Variants in ARMC3 observed in about 807,000 individuals in gnomAD.
ARMC3 encodes armadillo repeat containing 3, also known as armadillo repeat-containing protein 3.
ARMC3 carries 74 observed loss-of-function variants against 90.3 expected under a neutral mutation model. The observed-to-expected ratio is 0.82, with a 90% CI of 0.68 to 0.99. ARMC3 has a LOEUF of 0.99. ARMC3 is among the 50% of genes least tolerant of loss of function. ARMC3 has a pLI of 0.00. For missense variants in ARMC3, 958 were observed against 1,042.8 expected (o/e 0.92, Z 1.12); for synonymous variants, 334 against 361.8 (o/e 0.92, Z 0.87).
At chr10:22,950,004 T>G (rs1432124071) in intron 3 of ARMC3, among the ~76,000 whole-genome samples, 1 of 151,684 alleles carries the variant, frequency 6.6e-6, no homozygotes, top group Non-Finnish European at 1.5e-5. Flanking sequence ...AAAAGAAAAA[T>G]AAAAACTTTC....
At chr10:22,947,522 A>C (rs954818586) in intron 3 of ARMC3, among the ~76,000 whole-genome samples, 2 of 152,234 alleles carry the variant, frequency 1.3e-5, no homozygotes, top group Non-Finnish European at 2.9e-5. Context: ...ATGCTCCTCA[A>C]AACTGTCATG....
chr10:23,000,140 C>T (rs2131413976), intron 11 of ARMC3, among the ~76,000 whole-genome samples: 1 of 152,240 alleles, frequency 6.6e-6, no homozygotes, highest in African/African-American at 2.4e-5. Context: ...GCAACATCTG[C>T]AGGGGCCCTC....
At chr10:22,950,456 C>T (rs887118501) in intron 3 of ARMC3, among the ~76,000 whole-genome samples, 2 of 151,762 alleles carry the variant, frequency 1.3e-5, no homozygotes, top group Non-Finnish European at 2.9e-5. Context: ...AACCCTAATG[C>T]AACCACTAAA....
intron 8 of ARMC3, among the ~76,000 whole-genome samples, chr10:22,973,753 CTTT>C (rs56405413): frequency 2.5e-5 from 2 of 79,926 alleles, no homozygotes; most frequent in Non-Finnish European, 4.7e-5. Flanking sequence ...CTTTGTCTTT[CTTT>C]TTTTTTTTTT....
chr10:22,971,747 T>G (rs1835693958), intron 8 of ARMC3, among the ~76,000 whole-genome samples: 1 of 143,348 alleles, frequency 7.0e-6, no homozygotes, highest in Non-Finnish European at 1.5e-5. Context: ...GTCCTCTATT[T>G]TTAATTTTTT....
intron 18 of ARMC3, among the ~76,000 whole-genome samples, 159 bp from the exon 19 acceptor site, chr10:23,037,111 G>T (rs1166114129): frequency 6.6e-6 from 1 of 152,160 alleles, no homozygotes; most frequent in African/African-American, 2.4e-5. Context: ...CATTTGATTG[G>T]CCCCTATACC....
intron 8 of ARMC3, among the ~76,000 whole-genome samples, chr10:22,972,785 C>T (rs542955247): frequency 2.0e-5 from 3 of 152,224 alleles, no homozygotes; most frequent in East Asian, 1.9e-4. Context: ...ATAAGTATTA[C>T]GAAAGCTATT....
rs538387188 is a variant in ARMC3 at position 23,034,521 on chromosome 10, C to G, written c.2409+1498C>G. Among the ~76,000 whole-genome samples the G allele has an allele frequency of 1.1e-3, 174 of 152,188 alleles. 1 individual carries two copies. Among genetic ancestry groups the G allele is most frequent in the South Asian group, 9.5e-3 (46 of 4,828 alleles). ...CATAGATGGAGCTGAAATTTGAGCCCACGCCTACCTGAATAAAAGACCTAC... is the reference window on the plus strand; with the variant it reads ...CATAGATGGAGCTGAAATTTGAGCCGACGCCTACCTGAATAAAAGACCTAC... On this transcript the variant is annotated intron_variant, in intron 18 of 18. Transcript: ENST00000298032.
chr10:22,959,434 C>G lies in ARMC3; in HGVS notation c.397C>G (p.Leu133Val), dbSNP rs936110263. ...VVIHEFASLC[L>V]ANMSAEYTSK... ...TATCCATGAGTTTGCTAGTCTTTGT[C>G]TAGCAAACATGTCTGCAGAGTACAC... Residue 133 changes from leucine to valine, a missense_variant, in exon 6 of 19, where the codon CTA becomes GTA. Coordinates refer to ENST00000298032, the MANE Select transcript of ARMC3 (RefSeq NM_173081.5). 5.6e-6 allele frequency: 9 copies of G among 1,608,012 alleles called. No homozygotes were observed. The highest frequency in any genetic ancestry group is 7.6e-6 in the Non-Finnish European group (9 of 1,178,662).
At chr10:22,964,304 G>A (rs1010443987) in intron 7 of ARMC3, among the ~76,000 whole-genome samples, 1 of 151,962 alleles carries the variant, frequency 6.6e-6, no homozygotes, top group African/African-American at 2.4e-5. Flanking sequence ...TAATATGTCA[G>A]TTTCCACTTA....
At chr10:23,035,013 A>G (rs984844373) in intron 18 of ARMC3, among the ~76,000 whole-genome samples, 1 of 152,230 alleles carries the variant, frequency 6.6e-6, no homozygotes. Flanking sequence ...ACAAAATACC[A>G]TAGACTGGAA....
chr10:23,007,577 A>G (rs1564390600), intron 14 of ARMC3, among the ~76,000 whole-genome samples: 1 of 151,950 alleles, frequency 6.6e-6, no homozygotes, highest in Non-Finnish European at 1.5e-5. Context: ...CACGCCTGTA[A>G]TCCCAGCTAC....
rs2131260989 is a variant in ARMC3 at position 22,962,023 on chromosome 10, C to T, written c.677C>T (p.Thr226Ile). 2 of 1,610,426 alleles carry T rather than the reference C, an allele frequency of 1.2e-6. No individual in the cohort carries two copies. The highest frequency in any genetic ancestry group is 2.2e-5 in the East Asian group (1 of 44,692). Residue 226 changes from threonine to isoleucine, a missense_variant, in exon 7 of 19, where the codon ACA (threonine) becomes ATA (isoleucine). Physicochemically the swap from Thr to Ile is moderately conservative, Grantham distance 89. Transcript: ENST00000298032. ...GVIANDKESRTMLRDNQGLDH... is the reference protein window; with the variant it reads ...GVIANDKESRIMLRDNQGLDH... The stretch of plus-strand genomic sequence containing the variant: ...ATTGCAAATGATAAGGAGTCTCGAA[C>T]AATGCTAAGAGACAATCAAGGATTG...
At chr10:23,021,111 G>T (rs1838494389) in intron 16 of ARMC3, among the ~76,000 whole-genome samples, 1 of 152,176 alleles carries the variant, frequency 6.6e-6, no homozygotes, top group Non-Finnish European at 1.5e-5. Flanking sequence ...ATGACCTCCA[G>T]CTGCATCCAC....
chr10:23,033,882 G>GC (rs1253504711), intron 18 of ARMC3, among the ~76,000 whole-genome samples: 13 of 152,140 alleles, frequency 8.5e-5, no homozygotes, highest in African/African-American at 2.4e-4. Context: ...GGTAATGATG[G>GC]CATTATTCCC....
rs557997216 is a variant in ARMC3, at chr10:23,028,411, G to A, written c.2046-2185G>A. ...TCTTACTTCTTGAAGCATTTTTAAA[G>A]TCTTTGTGTAATCAACATCTGGGTC... On this transcript the variant is annotated intron_variant, in intron 16 of 18. Coordinates refer to ENST00000298032, the MANE Select transcript of ARMC3 (RefSeq NM_173081.5). 1.5e-3 allele frequency among the ~76,000 whole-genome samples: 223 copies of A among 152,178 alleles called. 2 individuals carry two copies. The highest frequency in any genetic ancestry group is 2.6e-3 in the Non-Finnish European group (179 of 68,008).
At chr10:22,943,949 A>AG (rs530858329) in intron 2 of ARMC3, among the ~76,000 whole-genome samples, 1 of 150,680 alleles carries the variant, frequency 6.6e-6, no homozygotes, top group South Asian at 2.1e-4. Flanking sequence ...AAAAAAAAAA[A>AG]TTGTATTATG....
intron 3 of ARMC3, chr10:22,955,320 T>G (rs535514185): frequency 6.5e-6 from 1 of 152,986 alleles, no homozygotes; most frequent in African/African-American, 2.4e-5. Flanking sequence ...GGGCTAGAAC[T>G]AATTAATTAT....
intron 2 of ARMC3, among the ~76,000 whole-genome samples, chr10:22,935,036 T>A (rs1291108272): frequency 6.6e-6 from 1 of 152,156 alleles, no homozygotes; most frequent in Non-Finnish European, 1.5e-5. Flanking sequence ...GTGATTGAGC[T>A]TCAGTGGATA....
Sources: gnomAD v4.1 joint callset for allele counts (sites outside exome capture counted in the v4.1 genomes callset) on GRCh38, gnomAD v4.1.1 for gene constraint, MANE v1.5 for transcripts, NCBI Gene and HGNC (gene_info 2026-07-23, HGNC 2026-07-21) for gene names.